LHPP: variants seen among roughly 807,000 people sequenced by gnomAD.
LHPP encodes phospholysine phosphohistidine inorganic pyrophosphate phosphatase, also known as hLHPP.
A neutral mutation model predicts 30.3 loss-of-function variants in LHPP; 24 were observed. That is an observed-to-expected ratio of 0.79 (90% CI 0.57 to 1.11). The LOEUF is 1.11. LHPP is among the 50% of genes most tolerant of loss of function. The probability of loss-of-function intolerance (pLI) is 0.00; values close to 1 mark genes in which losing one functional copy is unlikely to be tolerated. For missense variants in LHPP, 356 were observed against 367.2 expected (o/e 0.97, Z 0.25); for synonymous variants, 150 against 157.1 (o/e 0.95, Z 0.34).
intron 1 of LHPP, among the ~76,000 whole-genome samples, chr10:124,462,464 G>A (rs1045447041): frequency 2.0e-5 from 3 of 151,876 alleles, no homozygotes; most frequent in Non-Finnish European, 4.4e-5. Flanking sequence ...GTGTGGTGGT[G>A]CACGCCTGTA....
chr10:124,467,442 T>C (rs1290273934), intron 1 of LHPP, among the ~76,000 whole-genome samples: 23 of 151,612 alleles, frequency 1.5e-4, no homozygotes, highest in Admixed American at 1.5e-3. Flanking sequence ...ATGATGTATG[T>C]CAAGTTCCTG....
chr10:124,546,348 CATT>C (rs1955339236), intron 6 of LHPP, among the ~76,000 whole-genome samples: 1 of 152,208 alleles, frequency 6.6e-6, no homozygotes, highest in African/African-American at 2.4e-5. Flanking sequence ...TATGAGCTCC[CATT>C]ATTAACTAAA....
intron 3 of LHPP, among the ~76,000 whole-genome samples, chr10:124,493,318 A>G (rs961023408): frequency 1.3e-5 from 2 of 152,152 alleles, no homozygotes; most frequent in African/African-American, 4.8e-5. Context: ...GGACCCCCCG[A>G]GAGCTGCCAT....
intron 6 of LHPP, among the ~76,000 whole-genome samples, chr10:124,570,011 C>T (rs944709177): frequency 1.4e-5 from 2 of 146,074 alleles, no homozygotes; most frequent in Non-Finnish European, 3.1e-5. Flanking sequence ...TAGAGCTCAC[C>T]CGGCCACTTC....
intron 1 of LHPP, among the ~76,000 whole-genome samples, chr10:124,470,790 T>C (rs569755895): frequency 9.6e-4 from 146 of 152,088 alleles, no homozygotes; most frequent in African/African-American, 3.4e-3. Flanking sequence ...CAGGACATTG[T>C]AGGGAGAGGG....
At chr10:124,529,801 ACACACACACACG>A (rs1954841336) in intron 6 of LHPP, among the ~76,000 whole-genome samples, 1 of 132,762 alleles carries the variant, frequency 7.5e-6, no homozygotes, top group East Asian at 2.4e-4. Context: ...GCACATACAC[ACACACACACACG>A]CACACACACA....
At chr10:124,567,717 A>G (rs911250744) in intron 6 of LHPP, among the ~76,000 whole-genome samples, 3 of 152,184 alleles carry the variant, frequency 2.0e-5, no homozygotes, top group Admixed American at 2.0e-4. Context: ...CCTCGGTTAG[A>G]CACGCATATG....
chr10:124,488,649 A>G, intron 3 of LHPP, 74 bp downstream of exon 3: 2 of 1,385,070 alleles, frequency 1.4e-6, no homozygotes, highest in East Asian at 2.4e-5. Flanking sequence ...TTGCGGAATC[A>G]GGCAGAGAAG....
intron 1 of LHPP, among the ~76,000 whole-genome samples, chr10:124,483,613 C>G (rs892198133): frequency 2.6e-5 from 4 of 152,030 alleles, no homozygotes; most frequent in African/African-American, 9.7e-5. Context: ...AAAAATTAGC[C>G]AGGTATGATG....
At chr10:124,503,005 T>G (rs1057443266) in intron 5 of LHPP, among the ~76,000 whole-genome samples, 1 of 151,548 alleles carries the variant, frequency 6.6e-6, no homozygotes, top group Non-Finnish European at 1.5e-5. Flanking sequence ...GAAAGTTCTT[T>G]GACACTATGT....
intron 6 of LHPP, among the ~76,000 whole-genome samples, chr10:124,604,382 G>A (rs1464499948): frequency 6.6e-6 from 1 of 152,212 alleles, no homozygotes; most frequent in African/African-American, 2.4e-5. Context: ...CTGCTGTCCT[G>A]AGGGTGGCCG....
chr10:124,565,625 G>C (rs1345335495), intron 6 of LHPP, among the ~76,000 whole-genome samples: 1 of 152,170 alleles, frequency 6.6e-6, no homozygotes, highest in Non-Finnish European at 1.5e-5. Context: ...GACAAGAAAG[G>C]AATGCTACCC....
chr10:124,463,149 G>A (rs1218577364), intron 1 of LHPP, among the ~76,000 whole-genome samples: 4 of 152,146 alleles, frequency 2.6e-5, no homozygotes, highest in Non-Finnish European at 4.4e-5. Context: ...GATTATAGGC[G>A]TGAGCCACAT....
Position 124,510,043 on chromosome 10 carries a change from G to A in LHPP, c.625-7137G>A, listed in dbSNP as rs1168429734. Among the ~76,000 whole-genome samples the A allele has an allele frequency of 6.6e-6, 1 of 152,110 alleles. No individual in the cohort carries two copies. The highest frequency in any genetic ancestry group is 1.9e-4 in the East Asian group (1 of 5,188). ...CCCGACCCAGGACACCTGCCTCTGG[G>A]ACTGTGGCGCCTCCATCCGGCTCTC... On this transcript the variant is annotated intron_variant, in intron 5 of 6. Coordinates refer to ENST00000368842, the MANE Select transcript of LHPP (RefSeq NM_022126.4). This position sits in a 1 kb window ranked among gnomAD's most constrained non-coding sequence, Gnocchi z 4.0.
At chr10:124,536,729 A>AC (rs953523855) in intron 6 of LHPP, among the ~76,000 whole-genome samples, 8 of 151,340 alleles carry the variant, frequency 5.3e-5, no homozygotes, top group Non-Finnish European at 1.0e-4. Context: ...AGCAGGACAG[A>AC]CCCCCCGCCA....
At chr10:124,584,168 G>T (rs1035316768) in intron 6 of LHPP, among the ~76,000 whole-genome samples, 1 of 149,824 alleles carries the variant, frequency 6.7e-6, no homozygotes, top group Non-Finnish European at 1.5e-5. Flanking sequence ...ATAAATAAGA[G>T]AAATTTAGCT....
At chr10:124,508,590 CT>C (rs200472559) in intron 5 of LHPP, among the ~76,000 whole-genome samples, 18,591 of 135,254 alleles carry the variant, frequency 0.14, 1,349 homozygotes, top group Non-Finnish European at 0.17. Context: ...CCCTTGGAGG[CT>C]TTTTTTTTTT....
In LHPP at chr10:124,498,043, G is replaced by A; in HGVS notation, c.539G>A (p.Cys180Tyr). 6.2e-7 allele frequency: 1 copy of A among 1,613,830 alleles called. No homozygotes were observed. Among genetic ancestry groups the A allele is most frequent in the Non-Finnish European group, 8.5e-7 (1 of 1,179,672 alleles). ...CCCTCTCTCTTTTCCCAGTATGCCT[G>A]TGGCATCAAAGCCGAGGTGGTGGGG... ...GPYMKALEYA[C>Y]GIKAEVVGKP... The change falls in exon 5 of 7, where the codon TGT (cysteine) becomes TAT (tyrosine). Residue 180 changes from cysteine to tyrosine, a missense_variant. Transcript: ENST00000368842.
chr10:124,596,016 T>A lies in LHPP; in HGVS notation c.717-17248T>A, dbSNP rs1308178480. Among the ~76,000 whole-genome samples the A allele has an allele frequency of 2.6e-5, 4 of 152,068 alleles. No homozygotes were observed. Among genetic ancestry groups the A allele is most frequent in the Admixed American group, 6.6e-5 (1 of 15,260 alleles). On this transcript the variant is annotated intron_variant, in intron 6 of 6. Coordinates refer to ENST00000368842, the MANE Select transcript of LHPP (RefSeq NM_022126.4). The surrounding 1 kb of genome is among the most constrained non-coding windows in gnomAD (Gnocchi z 4.6). ...CCCCGTCTTCTGCCTGACGGTAAAC[T>A]TGAGGTGAATGGGCTCCTACCCATG...
Sources: gnomAD v4.1 joint callset for allele counts (sites outside exome capture counted in the v4.1 genomes callset) on GRCh38, gnomAD v4.1.1 for gene constraint, Gnocchi (gnomAD v3.1) non-coding constraint, MANE v1.5 for transcripts, NCBI Gene and HGNC (gene_info 2026-07-23, HGNC 2026-07-21) for gene names.